Variants in KCNH8 observed in about 807,000 individuals in gnomAD.
KCNH8 encodes voltage-gated delayed rectifier potassium channel KCNH8.
In KCNH8, 70 loss-of-function variants were observed where a neutral mutation model predicts 103.6. The ratio of observed to expected loss-of-function variants is 0.68; its 90% CI spans 0.56 to 0.82. The LOEUF (loss-of-function observed/expected upper bound fraction) is 0.82, where lower values mean the gene tolerates loss of function less well. Among genes scored for constraint, KCNH8 ranks in the 40% least tolerant of loss-of-function variants. KCNH8 has a pLI of 0.00. For missense variants in KCNH8, 1,217 were observed against 1,329.9 expected, an observed-to-expected ratio of 0.92 and a Z score of 1.32; for synonymous variants, 498 against 489.4, an observed-to-expected ratio of 1.02 and a Z score of -0.23.
intron 15 of KCNH8, among the ~76,000 whole-genome samples, chr3:19,526,098 C>CAT (rs1224811571): frequency 2.6e-5 from 4 of 151,882 alleles, no homozygotes; most frequent in Non-Finnish European, 5.9e-5. Flanking sequence ...TTTACCGAAT[C>CAT]ATAGCTTGTA....
chr3:19,513,518 A>G (rs904842793), intron 13 of KCNH8, among the ~76,000 whole-genome samples, 193 bp downstream of exon 13: 2 of 152,126 alleles, frequency 1.3e-5, no homozygotes, highest in African/African-American at 4.8e-5. Flanking sequence ...TGGGCAAAAT[A>G]TGTTCTCAAA....
rs369018448 is a variant in KCNH8, at chr3:19,488,379, CACAA to C, written c.2041-21976_2041-21973del. Among the ~76,000 whole-genome samples, 385 of 152,290 alleles carry C rather than the reference CACAA, an allele frequency of 2.5e-3. 4 individuals are homozygous for C. The highest frequency in any genetic ancestry group is 8.4e-3 in the African/African-American group (351 of 41,546). ...CTCAGCGGCTTGTTGCATCTTTGTT[CACAA>C]ACAAACACTTGATTGGCTATTTCCA... is the stretch of plus-strand genomic sequence containing the variant. On this transcript the variant is annotated intron_variant, in intron 11 of 15. Transcript: ENST00000328405.
chr3:19,423,856 A>G (rs1254035809), intron 7 of KCNH8, among the ~76,000 whole-genome samples: 3 of 152,144 alleles, frequency 2.0e-5, no homozygotes, highest in Non-Finnish European at 4.4e-5. Context: ...AGGAATCTCC[A>G]TACTGTTTTC....
At chr3:19,407,750 C>G (rs1338763369) in intron 7 of KCNH8, among the ~76,000 whole-genome samples, 4 of 152,146 alleles carry the variant, frequency 2.6e-5, no homozygotes, top group African/African-American at 9.7e-5. Context: ...ATGCAGAAAT[C>G]TTGGTGCAGG....
At chr3:19,479,549 T>A (rs1327353619) in intron 11 of KCNH8, among the ~76,000 whole-genome samples, 2 of 152,282 alleles carry the variant, frequency 1.3e-5, no homozygotes, top group East Asian at 3.9e-4. Context: ...AGTGCTCCCT[T>A]ATTCAAAGCC....
intron 11 of KCNH8, among the ~76,000 whole-genome samples, chr3:19,465,624 A>T (rs1390103432): frequency 6.6e-6 from 1 of 151,762 alleles, no homozygotes; most frequent in South Asian, 2.1e-4. Context: ...ATAGATAGTG[A>T]TTTCTTTGAT....
At chr3:19,227,982 A>C (rs2063950826) in intron 1 of KCNH8, among the ~76,000 whole-genome samples, 2 of 152,168 alleles carry the variant, frequency 1.3e-5, no homozygotes, top group Non-Finnish European at 2.9e-5. Flanking sequence ...ATAATCATGT[A>C]AGCGAGGTAT....
rs568696403 is a variant in KCNH8 at position 19,321,635 on chromosome 3, G to T, written c.443-20952G>T. ...CTTGGAGAATGTTTTGTGTGCTGAT[G>T]AGTAGAATGTATATTATGCAGTTGT... On this transcript the variant is annotated intron_variant, in intron 3 of 15. Transcript: ENST00000328405. Among the ~76,000 whole-genome samples the T allele has an allele frequency of 3.9e-5, 6 of 152,074 alleles. No homozygotes were observed. The East Asian group carries it at 1.2e-3, about 29-fold the overall frequency.
At chr3:19,354,529 A>T (rs1407871387) in intron 5 of KCNH8, among the ~76,000 whole-genome samples, 2 of 152,168 alleles carry the variant, frequency 1.3e-5, no homozygotes, top group African/African-American at 4.8e-5. Context: ...GTACCAAAAC[A>T]GAGATATAGA....
chr3:19,533,488 T>A lies in KCNH8; in HGVS notation c.2713T>A (p.Ser905Thr). The stretch of plus-strand genomic sequence containing the variant: ...AAACGTTCTGTCACCTCAGCAGCCA[T>A]CACGGTTTTGCTCTTTGCACAGCAC... ...LENVLSPQQP[S>T]RFCSLHSTSV... The change falls in exon 16 of 16, where the codon TCA becomes ACA. Residue 905 changes from serine (S) to threonine (T), a missense_variant. By Grantham distance (58) the Ser-to-Thr change is moderately conservative. Coordinates refer to ENST00000328405, the MANE Select transcript of KCNH8 (RefSeq NM_144633.3). 1 of 1,614,196 alleles carries A rather than the reference T, an allele frequency of 6.2e-7. No individual in the cohort carries two copies. Among genetic ancestry groups the A allele is most frequent in the Non-Finnish European group, 8.5e-7 (1 of 1,180,026 alleles).
intron 3 of KCNH8, among the ~76,000 whole-genome samples, chr3:19,287,934 T>C (rs1204359355): frequency 6.6e-6 from 1 of 152,098 alleles, no homozygotes; most frequent in East Asian, 1.9e-4. Flanking sequence ...TTTTGAAACT[T>C]TGGGACAAGT....
At chr3:19,443,628 A>G (rs2067315189) in intron 8 of KCNH8, among the ~76,000 whole-genome samples, 1 of 151,696 alleles carries the variant, frequency 6.6e-6, no homozygotes, top group African/African-American at 2.4e-5. Context: ...CATAGACAAA[A>G]CCATGTGAAC....
chr3:19,521,659 C>G (rs540810729), intron 15 of KCNH8, among the ~76,000 whole-genome samples: 1 of 151,952 alleles, frequency 6.6e-6, no homozygotes, highest in South Asian at 2.1e-4. Context: ...ACTATTTTCA[C>G]CTAAGAGACT....
At position 19,295,524 on chromosome 3, in the gene KCNH8, T is replaced by C. The variant is rs527647565; in HGVS notation, c.442+14195T>C. Among the ~76,000 whole-genome samples the C allele has an allele frequency of 2.0e-5, 3 of 152,328 alleles. No individual in the cohort carries two copies. In the South Asian group the frequency reaches 6.2e-4, roughly 32 times the overall value. On this transcript the variant is annotated intron_variant, in intron 3 of 15. Transcript: ENST00000328405. ...TTCGCTATATCCAGCAATATTTACC[T>C]AGACATTGGTATTAAAGAATATTCC...
intron 2 of KCNH8, among the ~76,000 whole-genome samples, chr3:19,269,080 G>C (rs1260952531): frequency 6.6e-6 from 1 of 152,074 alleles, no homozygotes; most frequent in Non-Finnish European, 1.5e-5. Flanking sequence ...TGTGGATTTT[G>C]GTTTACGTGT....
chr3:19,454,557 T>C (rs1245093686), intron 10 of KCNH8, among the ~76,000 whole-genome samples: 1 of 152,074 alleles, frequency 6.6e-6, no homozygotes, highest in East Asian at 1.9e-4. Context: ...CTAGCAACAG[T>C]TTTAGGAATA....
intron 7 of KCNH8, among the ~76,000 whole-genome samples, chr3:19,424,475 G>T (rs1049339829): frequency 6.6e-6 from 1 of 152,050 alleles, no homozygotes; most frequent in Admixed American, 6.6e-5. Flanking sequence ...ATGGATCAAA[G>T]ACTTAAATCT....
intron 1 of KCNH8, among the ~76,000 whole-genome samples, chr3:19,170,765 C>CACACATATATATACACACAT (rs2063338305): frequency 1.8e-5 from 2 of 113,822 alleles, no homozygotes; most frequent in African/African-American, 7.1e-5. Flanking sequence ...TATATACACA[C>CACACATATATATACACACAT]ATATATATAC....
At chr3:19,178,067 C>A (rs2063417370) in intron 1 of KCNH8, among the ~76,000 whole-genome samples, 1 of 151,822 alleles carries the variant, frequency 6.6e-6, no homozygotes, top group African/African-American at 2.4e-5. Context: ...TTAATTTATG[C>A]CTTCTAGCGA....
Sources: allele counts gnomAD v4.1 joint callset (sites outside exome capture counted in the v4.1 genomes callset), GRCh38; gene constraint gnomAD v4.1.1; transcripts MANE v1.5; gene names NCBI Gene and HGNC (gene_info 2026-07-23, HGNC 2026-07-21).